TTBK2: variants seen among roughly 807,000 people sequenced by gnomAD.
TTBK2 encodes tau tubulin kinase 2.
In TTBK2, 28 loss-of-function variants were observed where a neutral mutation model predicts 110.8. The ratio of observed to expected loss-of-function variants is 0.25; its 90% CI spans 0.19 to 0.35. The LOEUF (loss-of-function observed/expected upper bound fraction) is 0.35, where lower values mean the gene tolerates loss of function less well. TTBK2 is among the 10% of genes least tolerant of loss of function. The probability of loss-of-function intolerance (pLI) is 1.00; values close to 1 mark genes in which losing one functional copy is unlikely to be tolerated. For synonymous variants in TTBK2, 532 were observed against 527.3 expected, an observed-to-expected ratio of 1.01 and a Z score of -0.12; for missense variants, 1,369 against 1,500.3, an observed-to-expected ratio of 0.91 and a Z score of 1.45.
chr15:42,845,416 T>C (rs972380681), intron 3 of TTBK2, among the ~76,000 whole-genome samples: 3 of 151,684 alleles, frequency 2.0e-5, no homozygotes, highest in Admixed American at 6.6e-5. Flanking sequence ...CTGTAATCCC[T>C]GCACTTTGGG....
chr15:42,755,358 C>G (rs562871450), intron 13 of TTBK2, among the ~76,000 whole-genome samples: 1 of 152,280 alleles, frequency 6.6e-6, no homozygotes, highest in African/African-American at 2.4e-5. Flanking sequence ...GAGTCGATCT[C>G]TAGTCCAAAG....
rs369102328 is a variant in TTBK2, at chr15:42,849,121, T to C, written c.218-8688A>G. ...GCTGATGACACAAATGTAAGATGTT[T>C]TGATATTATCTCATAGGTCACTGAG... On this transcript the variant is annotated intron_variant, in intron 3 of 14. Transcript: ENST00000267890. Among the ~76,000 whole-genome samples, 265 of 152,326 alleles carry C rather than the reference T, an allele frequency of 1.7e-3. 2 individuals carry two copies. The highest frequency in any genetic ancestry group is 6.0e-3 in the African/African-American group (248 of 41,584).
Position 42,746,042 on chromosome 15 carries a change from G to A in TTBK2, c.3488C>T (p.Thr1163Met), listed in dbSNP as rs201674605. Reference sequence around the variant, plus strand: ...AGCCCTAGATGGTGAGGAACTAGACGTGCGAGGCAAGGATGAGCTTCGAGG... The same window carrying A: ...AGCCCTAGATGGTGAGGAACTAGACATGCGAGGCAAGGATGAGCTTCGAGG... ...ASPRSSSLPRTSSSSPSRAGR... is the reference protein window; with the variant it reads ...ASPRSSSLPRMSSSSPSRAGR... The change falls in exon 15 of 15, where the codon ACG becomes ATG. Residue 1163 changes from threonine to methionine, a missense_variant. Thr to Met is a moderately conservative substitution (Grantham distance 81, BLOSUM62 -1). This residue lies in a region of TTBK2 where 1,097 missense variants were observed against 1,114.7 expected (regional missense o/e 0.98). Transcript: ENST00000267890. 64 of 1,614,118 alleles carry A rather than the reference G, an allele frequency of 4.0e-5. No individual in the cohort carries two copies. The East Asian group carries it at 7.1e-4, about 18-fold the overall frequency.
intron 10 of TTBK2, among the ~76,000 whole-genome samples, chr15:42,788,155 G>A (rs1017291110): frequency 1.3e-5 from 2 of 152,032 alleles, no homozygotes; most frequent in Non-Finnish European, 2.9e-5. Context: ...GTCATTACAC[G>A]GCACATGACT....
In TTBK2 at chr15:42,746,012, C is replaced by T. The variant is rs776195390; in HGVS notation, c.3518G>A (p.Arg1173Gln). Reference sequence around the variant, plus strand: ...CGAACTCCTCTGGTCATGGTGGGGCCGTCCAGCCCTAGATGGTGAGGAACT... The same window carrying T: ...CGAACTCCTCTGGTCATGGTGGGGCTGTCCAGCCCTAGATGGTGAGGAACT... ...TSSSSPSRAG[R>Q]PHHDQRSSSP... is the part of the protein sequence containing the mutation. The change falls in exon 15 of 15, where the codon CGG becomes CAG. Residue 1173 changes from arginine (R) to glutamine (Q), a missense_variant. By Grantham distance (43) the Arg-to-Gln change is conservative. This residue lies in a region of TTBK2 where 1,097 missense variants were observed against 1,114.7 expected (regional missense o/e 0.98). Transcript: ENST00000267890. 18 of 1,613,930 alleles carry T rather than the reference C, an allele frequency of 1.1e-5. No homozygotes were observed. Among genetic ancestry groups the T allele is most frequent in the South Asian group, 7.7e-5 (7 of 91,056 alleles).
At chr15:42,913,018 G>A (rs1013667793) in intron 1 of TTBK2, among the ~76,000 whole-genome samples, 5 of 150,172 alleles carry the variant, frequency 3.3e-5, no homozygotes, top group Admixed American at 6.6e-5. Context: ...CCAGCTACTC[G>A]GGAGGCTGAG....
chr15:42,900,194 T>C (rs911895014), intron 1 of TTBK2, among the ~76,000 whole-genome samples: 4 of 151,628 alleles, frequency 2.6e-5, no homozygotes, highest in Middle Eastern at 3.2e-3. Context: ...GGTTTCACCA[T>C]GTTGGTCAGG....
At chr15:42,812,361 T>A (rs1410177484) in intron 7 of TTBK2, among the ~76,000 whole-genome samples, 2 of 152,158 alleles carry the variant, frequency 1.3e-5, no homozygotes, top group Non-Finnish European at 2.9e-5. Context: ...AAATGAGTTT[T>A]AAAAAAATTG....
Position 42,794,531 on chromosome 15 carries a change from G to GC in TTBK2, c.980+112dup, listed in dbSNP as rs1247044502. Reference sequence around the variant, plus strand: ...AATGTTAATTCGAGGAGATCCACAGGCTTTCCCGGATGTCTTAGCATTTGG... The same window carrying GC: ...AATGTTAATTCGAGGAGATCCACAGGCCTTTCCCGGATGTCTTAGCATTTGG... On this transcript the variant is annotated intron_variant, in intron 10 of 14. Coordinates refer to ENST00000267890, the MANE Select transcript of TTBK2 (RefSeq NM_173500.4). The GC allele has an allele frequency of 2.1e-6, 3 of 1,443,674 alleles. No homozygotes were observed. The Admixed American group carries it at 5.1e-5, about 24-fold the overall frequency. 89.4% of individuals were successfully genotyped at this position (1,443,674 alleles called of 1,614,324 possible). A position where few individuals can be genotyped will look rare whatever the true frequency, so the allele number is the denominator to read the frequency against.
At chr15:42,876,709 G>A (rs1894830273) in intron 2 of TTBK2, among the ~76,000 whole-genome samples, 1 of 152,112 alleles carries the variant, frequency 6.6e-6, no homozygotes, top group Non-Finnish European at 1.5e-5. Context: ...GGTGGACTGT[G>A]TAGCAATAAA....
intron 9 of TTBK2, chr15:42,801,114 C>T: frequency 1.1e-6 from 1 of 891,044 alleles, no homozygotes; most frequent in South Asian, 1.3e-5. Context: ...GTAGCTGAGG[C>T]CAGGGCTTGT....
At chr15:42,817,619 T>C (rs1371684425) in intron 6 of TTBK2, among the ~76,000 whole-genome samples, 1 of 152,202 alleles carries the variant, frequency 6.6e-6, no homozygotes, top group Non-Finnish European at 1.5e-5. Context: ...AGTTATCGGA[T>C]GCTTAGTATG....
At chr15:42,746,385 AC>A (rs1234005694) in intron 14 of TTBK2, 128 bp from the exon 15 acceptor site, 1 of 731,948 alleles carries the variant, frequency 1.4e-6, no homozygotes, top group African/African-American at 1.8e-5. Flanking sequence ...ATACAGGGTT[AC>A]TCTGTCATAT....
chr15:42,798,413 C>A, intron 9 of TTBK2: 1 of 392,214 alleles, frequency 2.5e-6, no homozygotes, highest in Non-Finnish European at 5.1e-6. Flanking sequence ...CTTAATAATA[C>A]ATTCTTAGAA....
At chr15:42,869,872 A>C (rs1211716223) in intron 3 of TTBK2, among the ~76,000 whole-genome samples, 1 of 152,176 alleles carries the variant, frequency 6.6e-6, no homozygotes, top group Non-Finnish European at 1.5e-5. Flanking sequence ...ATTTGTAAAA[A>C]CCAAGTAAAA....
chr15:42,861,192 A>G (rs908921025), intron 3 of TTBK2, among the ~76,000 whole-genome samples: 3 of 152,210 alleles, frequency 2.0e-5, no homozygotes, highest in African/African-American at 7.2e-5. Context: ...CATTAGACAA[A>G]TCATCAAGGC....
At chr15:42,900,495 G>T (rs975499413) in intron 1 of TTBK2, among the ~76,000 whole-genome samples, 1 of 151,850 alleles carries the variant, frequency 6.6e-6, no homozygotes, top group Non-Finnish European at 1.5e-5. Flanking sequence ...GACACAGGCC[G>T]ATCACTTGAG....
chr15:42,851,226 C>T (rs1443382989), intron 3 of TTBK2, among the ~76,000 whole-genome samples: 5 of 144,288 alleles, frequency 3.5e-5, no homozygotes, highest in Middle Eastern at 3.5e-3. Flanking sequence ...CCAGCCTCGG[C>T]GACAGAGCAA....
chr15:42,848,433 CTTCTT>C (rs1228212807), intron 3 of TTBK2, among the ~76,000 whole-genome samples: 1 of 151,594 alleles, frequency 6.6e-6, no homozygotes, highest in Admixed American at 6.6e-5. Context: ...TTATTTAAAT[CTTCTT>C]TTATTTCTTT....
Sources: allele counts gnomAD v4.1 joint callset (sites outside exome capture counted in the v4.1 genomes callset), GRCh38; gene constraint gnomAD v4.1.1; regional missense constraint gnomAD v4.1.1; transcripts MANE v1.5; gene names NCBI Gene and HGNC (gene_info 2026-07-23, HGNC 2026-07-21).